HS6ST3: variants seen among roughly 807,000 people sequenced by gnomAD.
HS6ST3 encodes the protein heparan-sulfate 6-O-sulfotransferase 3.
A neutral mutation model predicts 36.7 loss-of-function variants in HS6ST3; 12 were observed. That is an observed-to-expected ratio of 0.33 (90% CI 0.21 to 0.53). HS6ST3 has a LOEUF of 0.53. HS6ST3 is among the 20% of genes least tolerant of loss of function. The pLI is 0.95. For synonymous variants in HS6ST3, 240 were observed against 257.5 expected (o/e 0.93, Z 0.65); for missense variants, 584 against 640.9 (o/e 0.91, Z 0.96).
chr13:96,678,110 G>C (rs182719753), intron 1 of HS6ST3, among the ~76,000 whole-genome samples: 1 of 152,248 alleles, frequency 6.6e-6, no homozygotes, highest in Non-Finnish European at 1.5e-5. Flanking sequence ...GCAGAAAGTG[G>C]AAGGGCAAAG....
At chr13:96,395,997 A>AT (rs1174728146) in intron 1 of HS6ST3, among the ~76,000 whole-genome samples, 1 of 152,106 alleles carries the variant, frequency 6.6e-6, no homozygotes, top group Non-Finnish European at 1.5e-5. Flanking sequence ...AATGGGAAAA[A>AT]TGATACCTAC....
intron 1 of HS6ST3, among the ~76,000 whole-genome samples, chr13:96,446,247 A>G (rs1341953865): frequency 6.6e-6 from 1 of 152,170 alleles, no homozygotes; most frequent in African/African-American, 2.4e-5. Context: ...TATTAGTCTC[A>G]GTCTCTATAA....
At chr13:96,213,984 C>G (rs966156901) in intron 1 of HS6ST3, among the ~76,000 whole-genome samples, 1 of 152,110 alleles carries the variant, frequency 6.6e-6, no homozygotes, top group Non-Finnish European at 1.5e-5. Context: ...TACCCATTCC[C>G]TAGTTTAGGA....
intron 1 of HS6ST3, among the ~76,000 whole-genome samples, chr13:96,365,250 C>T (rs1055547321): frequency 6.6e-6 from 1 of 152,168 alleles, no homozygotes; most frequent in Non-Finnish European, 1.5e-5. Context: ...CTCTGATGTT[C>T]CTCCCTGACA....
intron 1 of HS6ST3, among the ~76,000 whole-genome samples, chr13:96,133,469 C>T (rs780893800): frequency 2.1e-4 from 32 of 152,010 alleles, no homozygotes; most frequent in Non-Finnish European, 3.8e-4. Context: ...GTTGCCCAGG[C>T]AGGAGTGCAG....
chr13:96,722,472 T>G (rs1177592999), intron 1 of HS6ST3, among the ~76,000 whole-genome samples: 1 of 152,178 alleles, frequency 6.6e-6, no homozygotes, highest in Non-Finnish European at 1.5e-5. Context: ...TATGCTTTTC[T>G]CAAGAAACTT....
rs992001150 is a variant in HS6ST3, at chr13:96,090,475, C to A, written c.-388C>A. ...AGCTACCCGGCTGCCCGGCTGCGCGCGGCAGGTCCAGGACCCGAACCCCGC... is the reference window on the plus strand; with the variant it reads ...AGCTACCCGGCTGCCCGGCTGCGCGAGGCAGGTCCAGGACCCGAACCCCGC... On this transcript the variant is annotated 5_prime_UTR_variant, in exon 1 of 2. Coordinates refer to ENST00000376705, the MANE Select transcript of HS6ST3 (RefSeq NM_153456.4). 2.0e-3 allele frequency among the ~76,000 whole-genome samples: 293 copies of A among 146,564 alleles called. No homozygotes were observed. The highest frequency in any genetic ancestry group is 3.8e-3 in the Non-Finnish European group (248 of 65,822).
intron 1 of HS6ST3, among the ~76,000 whole-genome samples, chr13:96,550,260 G>A (rs554184955): frequency 2.0e-5 from 3 of 152,088 alleles, no homozygotes; most frequent in African/African-American, 4.8e-5. Context: ...CTGTCAGTTC[G>A]TGGGAGCTGG....
intron 1 of HS6ST3, among the ~76,000 whole-genome samples, chr13:96,196,594 G>A (rs941656236): frequency 6.6e-6 from 1 of 151,974 alleles, no homozygotes; most frequent in Non-Finnish European, 1.5e-5. Context: ...TGAGGAGCAT[G>A]CTGATGATGA....
In HS6ST3 at chr13:96,141,153, A is replaced by G. The variant is rs140772059; in HGVS notation, c.707+49584A>G. On this transcript the variant is annotated intron_variant, in intron 1 of 1. Transcript: ENST00000376705. ...AGGCTAACTCTACTGTTCTGTGCAA[A>G]TGCAGTCGGGTTTGTGATGAGGACC... Among the ~76,000 whole-genome samples the G allele has an allele frequency of 2.9e-3, 439 of 152,296 alleles. 5 individuals carry two copies. Among genetic ancestry groups the G allele is most frequent in the African/African-American group, 0.01 (418 of 41,560 alleles).
intron 1 of HS6ST3, among the ~76,000 whole-genome samples, chr13:96,190,494 T>A (rs1015912870): frequency 1.3e-5 from 2 of 152,232 alleles, no homozygotes; most frequent in Non-Finnish European, 2.9e-5. Context: ...CCCCACTTGC[T>A]CATGCAATCA....
intron 1 of HS6ST3, among the ~76,000 whole-genome samples, chr13:96,480,867 G>T (rs2055887241): frequency 6.6e-6 from 1 of 152,182 alleles, no homozygotes; most frequent in African/African-American, 2.4e-5. Context: ...GTACTCTGGA[G>T]CTCACAGTGC....
At chr13:96,508,765 T>C (rs542070032) in intron 1 of HS6ST3, among the ~76,000 whole-genome samples, 1 of 152,298 alleles carries the variant, frequency 6.6e-6, no homozygotes, top group African/African-American at 2.4e-5. Flanking sequence ...ATTTTCTTTA[T>C]CCACACATTA....
intron 1 of HS6ST3, among the ~76,000 whole-genome samples, chr13:96,403,522 C>T (rs983834020): frequency 5.3e-5 from 8 of 152,138 alleles, no homozygotes; most frequent in African/African-American, 7.2e-5. Context: ...TTATGTAGTT[C>T]TGAACATTTT....
chr13:96,534,250 G>A (rs941150146), intron 1 of HS6ST3, among the ~76,000 whole-genome samples: 4 of 152,190 alleles, frequency 2.6e-5, no homozygotes, highest in Non-Finnish European at 5.9e-5. Context: ...GCAAATGGAT[G>A]CTCATGGAAC....
At chr13:96,131,714 T>A (rs1441972800) in intron 1 of HS6ST3, among the ~76,000 whole-genome samples, 1 of 149,900 alleles carries the variant, frequency 6.7e-6, no homozygotes, top group African/African-American at 2.4e-5. Flanking sequence ...CTCCTCTCCC[T>A]CCCCTAACTC....
chr13:96,245,797 T>G (rs992630982), intron 1 of HS6ST3, among the ~76,000 whole-genome samples: 5 of 152,164 alleles, frequency 3.3e-5, no homozygotes, highest in Non-Finnish European at 5.9e-5. Context: ...TTTGGGTTTT[T>G]AGATGCAAAA....
At chr13:96,631,375 T>C (rs1457023012) in intron 1 of HS6ST3, among the ~76,000 whole-genome samples, 1 of 152,242 alleles carries the variant, frequency 6.6e-6, no homozygotes, top group Non-Finnish European at 1.5e-5. Flanking sequence ...GAGTAGGAAT[T>C]ATAAATTTTT....
chr13:96,787,451 A>C (rs1053920187), intron 1 of HS6ST3, among the ~76,000 whole-genome samples: 2 of 152,186 alleles, frequency 1.3e-5, no homozygotes, highest in Non-Finnish European at 1.5e-5. Flanking sequence ...GTATGTATAT[A>C]TGTATTTACT....
Sources: gnomAD v4.1 joint callset for allele counts (sites outside exome capture counted in the v4.1 genomes callset) on GRCh38, gnomAD v4.1.1 for gene constraint, MANE v1.5 for transcripts, NCBI Gene and HGNC (gene_info 2026-07-23, HGNC 2026-07-21) for gene names.